DNAH14: variants seen among roughly 807,000 people sequenced by gnomAD.
DNAH14 encodes axonemal beta dynein heavy chain 14.
Under a neutral mutation model 520.9 loss-of-function variants are expected in DNAH14, and 478 were observed. That is an observed-to-expected ratio of 0.92 (90% CI 0.85 to 0.99). DNAH14 has a LOEUF of 0.99. DNAH14 is among the 50% of genes least tolerant of loss of function. The probability of loss-of-function intolerance (pLI) is 0.00; values close to 1 mark genes in which losing one functional copy is unlikely to be tolerated. For missense variants in DNAH14, 4,831 were observed against 5,234.5 expected, an observed-to-expected ratio of 0.92 and a Z score of 2.38; for synonymous variants, 1,581 against 1,757.2, an observed-to-expected ratio of 0.90 and a Z score of 2.51.
chr1:225,023,724 AGTTTGTAATGCTG>A lies in DNAH14; in HGVS notation c.1221_1233del (p.Phe407LeufsTer13). The A allele has an allele frequency of 6.4e-7, 1 of 1,550,886 alleles. No homozygotes were observed. Among genetic ancestry groups the A allele is most frequent in the South Asian group, 1.2e-5 (1 of 84,008 alleles). On this transcript the variant is annotated frameshift_variant, in exon 11 of 86. Coordinates refer to ENST00000682510, the MANE Select transcript of DNAH14 (RefSeq NM_001367479.1). LOFTEE classifies it high-confidence loss of function. Reference sequence around the variant, plus strand: ...AGACGTTTATTAGAAACATTTTTCAAGTTTGTAATGCTGGTTGACTACATATTTCAGGAACTCA... The same window carrying A: ...AGACGTTTATTAGAAACATTTTTCAAGTTGACTACATATTTCAGGAACTCA...
chr1:225,236,912 A>T (rs947633923), intron 42 of DNAH14, among the ~76,000 whole-genome samples: 1 of 152,088 alleles, frequency 6.6e-6, no homozygotes, highest in African/African-American at 2.4e-5. Flanking sequence ...TTTCATAATC[A>T]TATGTAATCA....
At position 225,347,194 on chromosome 1, in the gene DNAH14, A is replaced by C. The variant is rs140086758; in HGVS notation, c.11296+540A>C. Among the ~76,000 whole-genome samples, 7 of 152,340 alleles carry C rather than the reference A, an allele frequency of 4.6e-5. No homozygotes were observed. The East Asian group carries it at 9.6e-4, about 21-fold the overall frequency. ...GTTGTTATGCTGTGTTGTAAGTTTT[A>C]AGTCTGCAAGATGGCAGACTAGGAT... On this transcript the variant is annotated intron_variant, in intron 71 of 85. Transcript: ENST00000682510.
rs141860277 is a variant in DNAH14 at position 225,182,407 on chromosome 1, G to A, written c.5536-2884G>A. ...AATATCTAAAACTTTTAGGGAGGATGAGGTAGAGCAAGATGGTGGAATAGA... is the reference window on the plus strand; with the variant it reads ...AATATCTAAAACTTTTAGGGAGGATAAGGTAGAGCAAGATGGTGGAATAGA... On this transcript the variant is annotated intron_variant, in intron 36 of 85. Transcript: ENST00000682510. Among the ~76,000 whole-genome samples the A allele has an allele frequency of 1.1e-3, 161 of 152,284 alleles. 2 individuals are homozygous for A. In the East Asian group the frequency reaches 0.027, roughly 26 times the overall value.
chr1:225,283,826 G>A (rs1289932404), intron 54 of DNAH14, among the ~76,000 whole-genome samples: 3 of 152,108 alleles, frequency 2.0e-5, no homozygotes, highest in Non-Finnish European at 2.9e-5. Context: ...GAAATCATAC[G>A]AAGTATGTTC....
chr1:225,245,475 G>A (rs1340708493), intron 43 of DNAH14, among the ~76,000 whole-genome samples: 1 of 152,062 alleles, frequency 6.6e-6, no homozygotes, highest in Non-Finnish European at 1.5e-5. Flanking sequence ...TTGTGTGGGA[G>A]TCTGAGTCTC....
At chr1:225,317,142 C>G (rs559338396) in intron 60 of DNAH14, among the ~76,000 whole-genome samples, 1 of 152,208 alleles carries the variant, frequency 6.6e-6, no homozygotes, top group Admixed American at 6.5e-5. Context: ...CTCATTATAA[C>G]AGTGTTTTCT....
At chr1:225,384,194 T>C (rs146334845) in intron 81 of DNAH14, among the ~76,000 whole-genome samples, 15,910 of 152,244 alleles carry the variant, frequency 0.1, 910 homozygotes, top group South Asian at 0.13. Flanking sequence ...GATGTGGTGC[T>C]GAGAAGAATG....
chr1:225,060,255 G>T (rs1217306254), intron 17 of DNAH14, among the ~76,000 whole-genome samples: 3 of 151,438 alleles, frequency 2.0e-5, no homozygotes, highest in East Asian at 1.9e-4. Flanking sequence ...TTACTTCATT[G>T]CATTCATTTG....
At chr1:225,117,012 A>G (rs2076918162) in intron 23 of DNAH14, among the ~76,000 whole-genome samples, 1 of 152,126 alleles carries the variant, frequency 6.6e-6, no homozygotes, top group African/African-American at 2.4e-5. Context: ...GGCTTCTTAT[A>G]TTGTTATAAT....
intron 41 of DNAH14, among the ~76,000 whole-genome samples, chr1:225,220,532 T>C (rs959058066): frequency 8.5e-5 from 13 of 152,172 alleles, no homozygotes; most frequent in African/African-American, 3.1e-4. Context: ...AGCCAAATCA[T>C]GAGTGAACTC....
intron 26 of DNAH14, 90 bp downstream of exon 26, chr1:225,119,384 A>AGATTAGTAGATAAGTGAGT: frequency 6.0e-6 from 5 of 836,910 alleles, no homozygotes; most frequent in Non-Finnish European, 8.5e-6. Flanking sequence ...AAACTCACTT[A>AGATTAGTAGATAAGTGAGT]TCTACTAATC....
chr1:225,039,739 G>C (rs534670333), intron 12 of DNAH14, among the ~76,000 whole-genome samples: 3 of 149,504 alleles, frequency 2.0e-5, no homozygotes, highest in African/African-American at 7.3e-5. Context: ...TTAGCCGGGC[G>C]TAGTGGCGGG....
chr1:225,346,523 T>C lies in DNAH14; in HGVS notation c.11165T>C (p.Met3722Thr). ...CFSFRLCTVI[M>T]QNNANGNLIQ... ...TCTTTTCGGCTTTGCACTGTAATCA[T>C]GCAAAACAATGCTAATGGAAATCTA... The change falls in exon 71 of 86, where the codon ATG becomes ACG. Residue 3722 changes from methionine (M) to threonine (T), a missense_variant. Transcript: ENST00000682510. The C allele has an allele frequency of 1.9e-6, 3 of 1,551,334 alleles. No individual in the cohort carries two copies. In the South Asian group the frequency reaches 3.6e-5, roughly 18 times the overall value.
intron 75 of DNAH14, among the ~76,000 whole-genome samples, chr1:225,364,582 A>G (rs950195670): frequency 8.4e-5 from 12 of 142,834 alleles, no homozygotes; most frequent in African/African-American, 3.2e-4. Flanking sequence ...CACTTTTTGT[A>G]CTTAGGGGAA....
intron 85 of DNAH14, 122 bp from the exon 86 acceptor site, chr1:225,398,932 C>G (rs1436007306): frequency 1.2e-5 from 10 of 867,506 alleles, no homozygotes; most frequent in Non-Finnish European, 1.7e-5. Context: ...GTTACATTAA[C>G]CATTTAACCT....
chr1:225,282,985 C>A (rs1446124265), intron 54 of DNAH14, among the ~76,000 whole-genome samples: 1 of 151,780 alleles, frequency 6.6e-6, no homozygotes, highest in Non-Finnish European at 1.5e-5. Context: ...GATTATGGTT[C>A]ATCTTTTTAC....
chr1:225,148,758 C>T (rs112723092), intron 31 of DNAH14, among the ~76,000 whole-genome samples: 11,353 of 151,882 alleles, frequency 0.075, 642 homozygotes, highest in East Asian at 0.24. Flanking sequence ...GAAAAGTGTC[C>T]CTTCATGTCC....
chr1:225,292,317 A>G (rs748670503), intron 55 of DNAH14, among the ~76,000 whole-genome samples: 2 of 152,008 alleles, frequency 1.3e-5, no homozygotes, highest in Non-Finnish European at 2.9e-5. Context: ...TCTTCTATAT[A>G]TGGATATTCA....
intron 5 of DNAH14, among the ~76,000 whole-genome samples, chr1:224,965,223 A>G (rs925840636): frequency 2.6e-5 from 4 of 152,094 alleles, no homozygotes; most frequent in African/African-American, 9.7e-5. Context: ...ACTGTTAGAT[A>G]GGGAATTCTC....
Sources: gnomAD v4.1 joint callset for allele counts (sites outside exome capture counted in the v4.1 genomes callset) on GRCh38, gnomAD v4.1.1 for gene constraint, MANE v1.5 for transcripts, NCBI Gene and HGNC (gene_info 2026-07-23, HGNC 2026-07-21) for gene names.